The following CAPN15 variants were observed in gnomAD, a reference collection of about 807,000 sequenced individuals.
The protein encoded by CAPN15 is calpain 15.
Under a neutral mutation model 97.9 loss-of-function variants are expected in CAPN15, and 53 were observed. That is an observed-to-expected ratio of 0.54 (90% confidence interval 0.43 to 0.68). CAPN15 has a LOEUF of 0.68. Among genes scored for constraint, CAPN15 ranks in the 30% least tolerant of loss-of-function variants. CAPN15 has a pLI of 0.00. For missense variants in CAPN15, 1,592 were observed against 1,589.8 expected (o/e 1.00, Z -0.02); for synonymous variants, 922 against 722.5 (o/e 1.28, Z -4.43).
At chr16:550,699 C>T (rs559706675) in intron 7 of CAPN15, among the ~76,000 whole-genome samples, 328 of 148,872 alleles carry the variant, frequency 2.2e-3, no homozygotes, top group Non-Finnish European at 3.6e-3. Context: ...GTGAGGGTCC[C>T]GGTCGGTGAG....
Position 553,348 on chromosome 16 carries a change from G to A in CAPN15, c.3093G>A (p.Leu1031=), listed in dbSNP as rs778002114. 1.9e-6 allele frequency: 3 copies of A among 1,597,986 alleles called. No homozygotes were observed. Among genetic ancestry groups the A allele is most frequent in the East Asian group, 2.3e-5 (1 of 44,352 alleles). ...CGGTCCCCTCCCCCAGGCAGGTCCTGGTGATCTTGTCCCAGCTAGAGGGCA... is the reference window on the plus strand; with the variant it reads ...CGGTCCCCTCCCCCAGGCAGGTCCTAGTGATCTTGTCCCAGCTAGAGGGCA... ...DSVPPLHRQV[L]VILSQLEGNA... is the part of the protein sequence containing the mutation. The change falls in exon 14 of 14, where the codon CTG becomes CTA. Residue 1031 remains leucine, a synonymous_variant. Transcript: ENST00000219611.
intron 7 of CAPN15, 40 bp downstream of exon 7, chr16:549,878 G>A (rs1301187304): frequency 1.4e-6 from 2 of 1,471,342 alleles, no homozygotes; most frequent in Admixed American, 2.0e-5. Context: ...GCGTTGGGAG[G>A]AGAGGCGAGG....
At chr16:539,609 G>A (rs1464298454) in intron 3 of CAPN15, 5 of 152,296 alleles carry the variant, frequency 3.3e-5, no homozygotes, top group African/African-American at 1.2e-4. Context: ...TTGTTTCTCG[G>A]GGCCTGGCTC....
chr16:544,069 C>T (rs1193415167), intron 3 of CAPN15, among the ~76,000 whole-genome samples: 1 of 152,150 alleles, frequency 6.6e-6, no homozygotes, highest in Non-Finnish European at 1.5e-5. Flanking sequence ...ATCTACGGGC[C>T]GGGCACCGGC....
At position 552,102 on chromosome 16, in the gene CAPN15, G is replaced by A. The variant is rs200796297; in HGVS notation, c.2397G>A (p.Ala799=). 115 of 1,549,078 alleles carry A rather than the reference G, an allele frequency of 7.4e-5. No individual in the cohort carries two copies. In the African/African-American group the frequency reaches 1.3e-3, roughly 17 times the overall value. The change falls in exon 10 of 14, where the codon GCG becomes GCA. Residue 799 remains alanine, a synonymous_variant. Transcript: ENST00000219611. This position sits in a 1 kb window ranked among gnomAD's most constrained non-coding sequence, Gnocchi z 6.4. ...AGGTGCACTCGGACTGGCAGGAGGC[G>A]CGGGTGCAGGGCTGCTTTCCCAGCT... is the stretch of plus-strand genomic sequence containing the variant. ...ICKVHSDWQE[A]RVQGCFPSSA...
chr16:539,077 C>T (rs1422673634), intron 3 of CAPN15: 1 of 152,134 alleles, frequency 6.6e-6, no homozygotes, highest in East Asian at 1.9e-4. Flanking sequence ...GTTTAGTTTT[C>T]TATAAAGACA....
chr16:529,235 C>G (rs1208478423), intron 1 of CAPN15, among the ~76,000 whole-genome samples: 1 of 152,166 alleles, frequency 6.6e-6, no homozygotes, highest in Non-Finnish European at 1.5e-5. Context: ...GAGCCCGAGG[C>G]TCAGTAACTG....
intron 1 of CAPN15, among the ~76,000 whole-genome samples, chr16:532,975 C>G (rs2033381628): frequency 6.6e-6 from 1 of 152,072 alleles, no homozygotes; most frequent in African/African-American, 2.4e-5. Flanking sequence ...AATCCCAGCA[C>G]TGGGGGAGGC....
At position 549,198 on chromosome 16, in the gene CAPN15, G is replaced by A; in HGVS notation, c.1655G>A (p.Cys552Tyr). 6.2e-7 allele frequency: 1 copy of A among 1,600,716 alleles called. No homozygotes were observed. Among genetic ancestry groups the A allele is most frequent in the Non-Finnish European group, 8.5e-7 (1 of 1,176,062 alleles). ...ATCCTGCAGGGGCTGCTGGGGAACT[G>A]CTGGTGAGGCCTTCTCCAAGGCCGG... ...SDILQGLLGN[C>Y]WFLSALAVLA... is the part of the protein sequence containing the mutation. The change falls in exon 5 of 14, where the codon TGC becomes TAC. Residue 552 changes from cysteine (C) to tyrosine (Y), a missense_variant. Transcript: ENST00000219611.
chr16:534,233 G>GGGCGGCCCGGGGTCCCGAC, intron 2 of CAPN15, among the ~76,000 whole-genome samples: 2 of 146,842 alleles, frequency 1.4e-5, no homozygotes, highest in African/African-American at 2.7e-5. Flanking sequence ...GGTCCCGACA[G>GGGCGGCCCGGGGTCCCGAC]GGGTGTTTGT....
rs1455797819 is a variant in CAPN15, at chr16:527,726, C to T, written c.-493C>T. ...CTGTGGGAGCCGTAGTCCGGGCGCG[C>T]GATTCACAGCGCCGCGTGCGCCCCG... On this transcript the variant is annotated 5_prime_UTR_variant, in exon 1 of 14. Transcript: ENST00000219611. The T allele has an allele frequency of 1.3e-5, 2 of 151,128 alleles. No individual in the cohort carries two copies. Among genetic ancestry groups the T allele is most frequent in the Admixed American group, 1.3e-4 (2 of 15,206 alleles). The allele number at this position is 151,128 out of a possible 1,614,324, so 9.4% of individuals were successfully genotyped here. A position where few individuals can be genotyped will look rare whatever the true frequency, so the allele number is the denominator to read the frequency against.
chr16:533,943 TA>T lies in CAPN15; in HGVS notation c.-189-2del. ...GTGCCTGATTAAATGCCTCCCTTTC[TA>T]GGCAGCAGCCCAGACGCGGCACAGA... On this transcript the variant is annotated splice_acceptor_variant, in intron 1 of 13. Transcript: ENST00000219611. LOFTEE classifies it low-confidence loss of function (5UTR_SPLICE). The T allele has an allele frequency of 1.0e-6, 1 of 985,300 alleles. No homozygotes were observed. The highest frequency in any genetic ancestry group is 1.2e-6 in the Non-Finnish European group (1 of 829,828). The allele number at this position is 985,300 out of a possible 1,614,324, so 61.0% of individuals were successfully genotyped here. A position where few individuals can be genotyped will look rare whatever the true frequency, so the allele number is the denominator to read the frequency against.
In CAPN15 at chr16:547,465, C is replaced by T. The variant is rs34551280; in HGVS notation, c.627C>T (p.Ala209=). 492 of 1,594,038 alleles carry T rather than the reference C, an allele frequency of 3.1e-4. 1 individual carries two copies. In the African/African-American group the frequency reaches 5.2e-3, roughly 17 times the overall value. The change falls in exon 4 of 14, where the codon GCC becomes GCT. Residue 209 remains alanine, a synonymous_variant. Transcript: ENST00000219611. ...APPPGLPGEG[A]EANPPATSQG... ...CACCTGGCCTCCCCGGGGAAGGTGC[C>T]GAGGCCAACCCCCCAGCCACCAGCC...
chr16:531,897 G>A (rs1321075392), intron 1 of CAPN15, among the ~76,000 whole-genome samples: 1 of 152,222 alleles, frequency 6.6e-6, no homozygotes, highest in Non-Finnish European at 1.5e-5. Flanking sequence ...GAGAAGTAGA[G>A]AAGTGCCAAA....
chr16:546,502 G>A (rs1320225360), intron 3 of CAPN15, among the ~76,000 whole-genome samples: 4 of 152,306 alleles, frequency 2.6e-5, no homozygotes, highest in East Asian at 1.9e-4. Context: ...GCTATCTGCC[G>A]TCCACAGGCC....
In CAPN15 at chr16:553,727, G is replaced by A. The variant is rs1439621532; in HGVS notation, c.*211G>A. 5.6e-5 allele frequency: 26 copies of A among 466,026 alleles called. No individual in the cohort carries two copies. The highest frequency in any genetic ancestry group is 5.5e-4 in the Middle Eastern group (1 of 1,832). 28.9% of individuals were successfully genotyped at this position (466,026 alleles called of 1,614,324 possible). A position where few individuals can be genotyped will look rare whatever the true frequency, so the allele number is the denominator to read the frequency against. On this transcript the variant is annotated 3_prime_UTR_variant, in exon 14 of 14. Transcript: ENST00000219611. Reference sequence around the variant, plus strand: ...GTCCGCCTGGCCAGGCCTCCTGGCCGCCACGCAGAATACCTCGAACCAGGC... The same window carrying A: ...GTCCGCCTGGCCAGGCCTCCTGGCCACCACGCAGAATACCTCGAACCAGGC...
In CAPN15 at chr16:535,054, G is replaced by A. The variant is rs1412848659; in HGVS notation, c.-136-975G>A. ...GGACACAGCTGTGGGTGCCGCCCGC[G>A]CAAGGCTGGGGGTCGCTGTGCCAGC... On this transcript the variant is annotated intron_variant, in intron 2 of 13. Transcript: ENST00000219611. This position sits in a 1 kb window ranked among gnomAD's most constrained non-coding sequence, Gnocchi z 6.2. Among the ~76,000 whole-genome samples, 3 of 152,042 alleles carry A rather than the reference G, an allele frequency of 2.0e-5. No individual in the cohort carries two copies. The highest frequency in any genetic ancestry group is 2.4e-5 in the African/African-American group (1 of 41,374).
intron 4 of CAPN15, 146 bp from the exon 5 acceptor site, chr16:548,847 C>T (rs942501339): frequency 1.6e-5 from 12 of 755,292 alleles, no homozygotes; most frequent in East Asian, 2.7e-5. Flanking sequence ...ACAGGGCCGG[C>T]GCCAGGTCTG....
intron 7 of CAPN15, 98 bp from the exon 8 acceptor site, chr16:551,204 C>A: frequency 7.0e-7 from 1 of 1,424,972 alleles, no homozygotes. Flanking sequence ...CGGTGAGGGT[C>A]CCCAGTCGGT....
Sources: allele counts gnomAD v4.1 joint callset (sites outside exome capture counted in the v4.1 genomes callset), GRCh38; gene constraint gnomAD v4.1.1; non-coding constraint Gnocchi (gnomAD v3.1); transcripts MANE v1.5; gene names NCBI Gene and HGNC (gene_info 2026-07-23, HGNC 2026-07-21).